The following GGCX variants were observed in gnomAD, a reference collection of about 807,000 sequenced individuals.
GGCX encodes the protein vitamin K-dependent gamma-carboxylase.
In GGCX, 63 loss-of-function variants were observed where a neutral mutation model predicts 88.5. The observed-to-expected ratio is 0.71, with a 90% CI of 0.58 to 0.88. The LOEUF is 0.88. GGCX is among the 40% of genes least tolerant of loss of function. The pLI is 0.00. For synonymous variants in GGCX, 368 were observed against 365.8 expected (o/e 1.01, Z -0.07); for missense variants, 805 against 932.9 (o/e 0.86, Z 1.79).
rs6751560 is a variant in GGCX, at chr2:85,558,951, G to A, written c.339C>T (p.Asp113=). ...TGATGGTGTAGACAAGATACATCCA[G>A]TCAAGTGGCAGTGGGCGTAGGGCAT... ...LLDALRPLPL[D]WMYLVYTIMF... is the part of the protein sequence containing the mutation. The change falls in exon 3 of 15, where the codon GAC becomes GAT. Residue 113 remains aspartate, a synonymous_variant. Coordinates refer to ENST00000233838, the MANE Select transcript of GGCX (RefSeq NM_000821.7). The A allele has an allele frequency of 0.025, 40,097 of 1,613,668 alleles. 928 individuals carry two copies. Among genetic ancestry groups the A allele is most frequent in the African/African-American group, 0.11 (7,907 of 74,978 alleles).
In GGCX at chr2:85,548,671, G is replaced by A. The variant is rs1368819004; in HGVS notation, c.*1263C>T. 1 of 152,170 alleles carries A rather than the reference G, an allele frequency of 6.6e-6. No homozygotes were observed. The highest frequency in any genetic ancestry group is 1.5e-5 in the Non-Finnish European group (1 of 68,042). The allele number at this position is 152,170 out of a possible 1,614,324, so 9.4% of individuals were successfully genotyped here. A position where few individuals can be genotyped will look rare whatever the true frequency, so the allele number is the denominator to read the frequency against. On this transcript the variant is annotated 3_prime_UTR_variant, in exon 15 of 15. Coordinates refer to ENST00000233838, the MANE Select transcript of GGCX (RefSeq NM_000821.7). ...ACCGGTCTCTGCTACAAGTCCATGA[G>A]CTCCCAAAGCAGGGATCCTTTTTCA...
chr2:85,554,344 T>C, intron 6 of GGCX, 38 bp from the exon 7 acceptor site: 1 of 1,599,478 alleles, frequency 6.3e-7, no homozygotes, highest in South Asian at 1.1e-5. Context: ...ACCAGCCCAC[T>C]GGAGAACACA....
intron 14 of GGCX, 25 bp downstream of exon 14, chr2:85,550,530 A>G: frequency 6.4e-7 from 1 of 1,568,940 alleles, no homozygotes; most frequent in Middle Eastern, 1.7e-4. Context: ...TATGATGGCA[A>G]TGACAAATAT....
intron 6 of GGCX, chr2:85,555,258 T>C (rs1692160132): frequency 6.7e-6 from 3 of 446,368 alleles, no homozygotes; most frequent in South Asian, 6.7e-5. Flanking sequence ...CCTTTTTAAA[T>C]TTCTTTTCCT....
chr2:85,549,511 C>CCA lies in GGCX; in HGVS notation c.*421_*422dup, dbSNP rs551976064. Reference sequence around the variant, plus strand: ...TGGGTAGTTGGATTACAGGCACCCACCACCACGTCTGGCTAATTTTTGTAT... The same window carrying CCA: ...TGGGTAGTTGGATTACAGGCACCCACCACACCACGTCTGGCTAATTTTTGTAT... On this transcript the variant is annotated 3_prime_UTR_variant, in exon 15 of 15. Coordinates refer to ENST00000233838, the MANE Select transcript of GGCX (RefSeq NM_000821.7). 1.7e-4 allele frequency: 38 copies of CCA among 218,138 alleles called. No individual in the cohort carries two copies. In the South Asian group the frequency reaches 2.2e-3, roughly 13 times the overall value. The allele number at this position is 218,138 out of a possible 1,614,324, so 13.5% of individuals were successfully genotyped here.
chr2:85,550,888 C>T (rs373109330), intron 13 of GGCX, 37 bp downstream of exon 13: 1 of 1,610,770 alleles, frequency 6.2e-7, no homozygotes, highest in Non-Finnish European at 8.5e-7. Flanking sequence ...CTTCTTGAAA[C>T]CAGAGGCTAT....
At chr2:85,552,260 G>A (rs762252426) in intron 10 of GGCX, among the ~76,000 whole-genome samples, 156 bp downstream of exon 10, 3 of 152,184 alleles carry the variant, frequency 2.0e-5, no homozygotes, top group Non-Finnish European at 4.4e-5. Context: ...GCCCCCTGCT[G>A]GAAGCAACCA....
rs1163629853 is a variant in GGCX, at chr2:85,546,656, A to G, written c.*3278T>C. ...GAGGCAGAGGTTGCAGTGAGCCGAG[A>G]TGGCGCCATTGCACTCCAGCCTGGG... is the stretch of plus-strand genomic sequence containing the variant. On this transcript the variant is annotated 3_prime_UTR_variant, in exon 15 of 15. Coordinates refer to ENST00000233838, the MANE Select transcript of GGCX (RefSeq NM_000821.7). The G allele has an allele frequency of 6.6e-6, 1 of 152,410 alleles. No individual in the cohort carries two copies. The highest frequency in any genetic ancestry group is 1.5e-5 in the Non-Finnish European group (1 of 68,190). 9.4% of individuals were successfully genotyped at this position (152,410 alleles called of 1,614,324 possible).
In GGCX at chr2:85,556,840, G is replaced by A. The variant is rs114407255; in HGVS notation, c.540-580C>T. Among the ~76,000 whole-genome samples the A allele has an allele frequency of 2.1e-3, 316 of 152,276 alleles. 2 individuals are homozygous for A. Among genetic ancestry groups the A allele is most frequent in the African/African-American group, 7.3e-3 (305 of 41,548 alleles). ...TTCAAGAAGTAGAAGCTGGGAAAGG[G>A]GCAGCTTACACTGTGGTCAAGAGCA... On this transcript the variant is annotated intron_variant, in intron 4 of 14. Coordinates refer to ENST00000233838, the MANE Select transcript of GGCX (RefSeq NM_000821.7).
chr2:85,553,092 G>T, intron 8 of GGCX, 22 bp from the exon 9 acceptor site: 1 of 1,614,100 alleles, frequency 6.2e-7, no homozygotes, highest in Non-Finnish European at 8.5e-7. Flanking sequence ...GCACAGAGGG[G>T]AATCAGCTCA....
Position 85,549,772 on chromosome 2 carries a change from G to T in GGCX, c.*162C>A. ...AAATCTTATTTGCTTTATTTCCTTGGTTCCTCTAAGTTGTAATCTCGGAGT... is the reference window on the plus strand; with the variant it reads ...AAATCTTATTTGCTTTATTTCCTTGTTTCCTCTAAGTTGTAATCTCGGAGT... On this transcript the variant is annotated 3_prime_UTR_variant, in exon 15 of 15. Transcript: ENST00000233838. The T allele has an allele frequency of 1.6e-6, 1 of 635,990 alleles. No individual in the cohort carries two copies. Among genetic ancestry groups the T allele is most frequent in the Non-Finnish European group, 2.8e-6 (1 of 361,212 alleles). 39.4% of individuals were successfully genotyped at this position (635,990 alleles called of 1,614,324 possible).
intron 2 of GGCX, among the ~76,000 whole-genome samples, chr2:85,560,562 C>T (rs891620524): frequency 1.3e-5 from 2 of 151,640 alleles, no homozygotes; most frequent in Non-Finnish European, 2.9e-5. Flanking sequence ...GAGATAGCGC[C>T]ATTGCACTCC....
chr2:85,550,598 A>C lies in GGCX; in HGVS notation c.2041T>G (p.Phe681Val), dbSNP rs1250435235. The C allele has an allele frequency of 1.2e-6, 2 of 1,614,002 alleles. No individual in the cohort carries two copies. The highest frequency in any genetic ancestry group is 3.3e-5 in the Admixed American group (2 of 60,014). Residue 681 changes from phenylalanine to valine, a missense_variant, in exon 14 of 15, where the codon TTC (phenylalanine) becomes GTC (valine). Phe to Val is a conservative substitution (Grantham distance 50). Coordinates refer to ENST00000233838, the MANE Select transcript of GGCX (RefSeq NM_000821.7). Reference protein sequence around the residue: ...RRRNTPFHERFFRFLLRKLYV... With the variant: ...RRRNTPFHERVFRFLLRKLYV... ...AGCTTTCGCAACAAGAAGCGGAAGA[A>C]TCGCTCATGGAAAGGAGTATTTCGC...
chr2:85,551,645 T>C (rs766986633), intron 11 of GGCX, 35 bp from the exon 12 acceptor site: 5 of 1,612,138 alleles, frequency 3.1e-6, no homozygotes, highest in East Asian at 4.5e-5. Context: ...TCCCACCCCA[T>C]GGCAGAGTGA....
rs1558801339 is a variant in GGCX, at chr2:85,546,868, T to C, written c.*3066A>G. On this transcript the variant is annotated 3_prime_UTR_variant, in exon 15 of 15. Transcript: ENST00000233838. ...AAGGGAGTTTTTAGATGCCAATACA[T>C]TGCAGATAACCATATTGGCTACATT... The C allele has an allele frequency of 6.6e-6, 1 of 152,240 alleles. No individual in the cohort carries two copies. 9.4% of individuals were successfully genotyped at this position (152,240 alleles called of 1,614,324 possible). A position where few individuals can be genotyped will look rare whatever the true frequency, so the allele number is the denominator to read the frequency against.
intron 12 of GGCX, 108 bp downstream of exon 12, chr2:85,551,372 C>G: frequency 9.0e-7 from 1 of 1,110,674 alleles, no homozygotes; most frequent in Non-Finnish European, 1.4e-6. Flanking sequence ...GTTGCTCAGG[C>G]TCACTGTGAA....
rs748894823 is a variant in GGCX, at chr2:85,556,197, T to C, written c.603A>G (p.Ala201=). 4 of 1,610,394 alleles carry C rather than the reference T, an allele frequency of 2.5e-6. No homozygotes were observed. The highest frequency in any genetic ancestry group is 4.5e-5 in the East Asian group (2 of 44,868). ...AATGCTGTACCTGGCCACGGAGCAC[T>C]GCATAGTTCCAAAGGGGCACGTGGG... is the stretch of plus-strand genomic sequence containing the variant. ...RNAHVPLWNY[A]VLRGQIFIVY... is the part of the protein sequence containing the mutation. The change falls in exon 5 of 15, where the codon GCA becomes GCG. Residue 201 remains alanine (A), a synonymous_variant. Coordinates refer to ENST00000233838, the MANE Select transcript of GGCX (RefSeq NM_000821.7).
rs1294087859 is a variant in GGCX, at chr2:85,545,609, C to T, written c.*4325G>A. On this transcript the variant is annotated 3_prime_UTR_variant, in exon 15 of 15. Coordinates refer to ENST00000233838, the MANE Select transcript of GGCX (RefSeq NM_000821.7). ...AAAGCCTAAGCAAGATTTAGTCCTCCTAGTCCACTTAAGCCAAAATTCATG... is the reference window on the plus strand; with the variant it reads ...AAAGCCTAAGCAAGATTTAGTCCTCTTAGTCCACTTAAGCCAAAATTCATG... 3 of 152,168 alleles carry T rather than the reference C, an allele frequency of 2.0e-5. No individual in the cohort carries two copies. Among genetic ancestry groups the T allele is most frequent in the African/African-American group, 4.8e-5 (2 of 41,416 alleles). 9.4% of individuals were successfully genotyped at this position (152,168 alleles called of 1,614,324 possible). A position where few individuals can be genotyped will look rare whatever the true frequency, so the allele number is the denominator to read the frequency against.
chr2:85,555,181 C>T, intron 6 of GGCX: 1 of 331,630 alleles, frequency 3.0e-6, no homozygotes, highest in Non-Finnish European at 5.8e-6. Flanking sequence ...GACACAGGCA[C>T]CATCCAAGGC....
Sources: allele counts gnomAD v4.1 joint callset (sites outside exome capture counted in the v4.1 genomes callset), GRCh38; gene constraint gnomAD v4.1.1; transcripts MANE v1.5; gene names NCBI Gene and HGNC (gene_info 2026-07-23, HGNC 2026-07-21).